NRG1: variants seen among roughly 807,000 people sequenced by gnomAD.
NRG1 encodes neuregulin 1, also known as pro-neuregulin-1, membrane-bound isoform.
NRG1 carries 18 observed loss-of-function variants against 63.8 expected under a neutral mutation model. That is an observed-to-expected ratio of 0.28 (90% CI 0.19 to 0.42). The LOEUF is 0.42. Ranked by LOEUF, NRG1 falls within the 10% of genes least tolerant of loss-of-function variation. The pLI, the probability that NRG1 is intolerant of heterozygous loss-of-function variation, is 1.00. For synonymous variants in NRG1, 302 were observed against 301.3 expected (o/e 1.00, Z -0.02); for missense variants, 762 against 814.7 (o/e 0.94, Z 0.79).
chr8:31,854,671 T>G (rs1329219828), intron 1 of NRG1, among the ~76,000 whole-genome samples: 1 of 152,222 alleles, frequency 6.6e-6, no homozygotes, highest in African/African-American at 2.4e-5. Context: ...ATGTGTTTGC[T>G]CTTGCTTTTC....
intron 1 of NRG1, among the ~76,000 whole-genome samples, chr8:31,796,166 A>C (rs1228166842): frequency 2.0e-5 from 3 of 152,176 alleles, no homozygotes; most frequent in South Asian, 4.1e-4. Context: ...GGACATTCTC[A>C]TATGTTAAGA....
chr8:32,560,048 A>G (rs553468755), intron 1 of NRG1, among the ~76,000 whole-genome samples: 16 of 152,226 alleles, frequency 1.1e-4, no homozygotes, highest in Non-Finnish European at 1.8e-4. Context: ...TAAATGAAAT[A>G]GTATTTTCAA....
At chr8:31,699,480 T>C (rs1487648643) in intron 1 of NRG1, among the ~76,000 whole-genome samples, 2 of 152,172 alleles carry the variant, frequency 1.3e-5, no homozygotes, top group Non-Finnish European at 2.9e-5. Flanking sequence ...CCACCTCTGA[T>C]TTCTTCCCAA....
At chr8:32,723,262 G>A (rs917114450) in intron 5 of NRG1, among the ~76,000 whole-genome samples, 1 of 152,150 alleles carries the variant, frequency 6.6e-6, no homozygotes, top group African/African-American at 2.4e-5. Flanking sequence ...GCCAACTTCA[G>A]TGTTCATTTC....
intron 1 of NRG1, among the ~76,000 whole-genome samples, chr8:31,727,145 G>A (rs553605286): frequency 2.0e-5 from 3 of 152,210 alleles, no homozygotes; most frequent in East Asian, 3.9e-4. Flanking sequence ...AACATGAAGA[G>A]ATAAGTTCCC....
rs1044560175 is a variant in NRG1 at position 31,854,525 on chromosome 8, G to A, written c.37+215094G>A. ...CTTTTTTTCTTTATTAGTCTTGCTAGCGGTCTATCAATTTTGTTGATCCTT... is the reference window on the plus strand; with the variant it reads ...CTTTTTTTCTTTATTAGTCTTGCTAACGGTCTATCAATTTTGTTGATCCTT... On this transcript the variant is annotated intron_variant, in intron 1 of 10. Transcript: ENST00000519301. Among the ~76,000 whole-genome samples, 488 of 151,720 alleles carry A rather than the reference G, an allele frequency of 3.2e-3. 2 individuals are homozygous for A. The highest frequency in any genetic ancestry group is 0.011 in the African/African-American group (466 of 41,380).
At chr8:31,917,521 T>C (rs1017602074) in intron 1 of NRG1, among the ~76,000 whole-genome samples, 25 of 151,690 alleles carry the variant, frequency 1.6e-4, no homozygotes, top group Non-Finnish European at 2.9e-4. Context: ...GTTGTAGATA[T>C]GCGGCGTTAT....
chr8:32,597,814 GTCTGAC>G (rs1289475978), intron 2 of NRG1, among the ~76,000 whole-genome samples: 11 of 152,108 alleles, frequency 7.2e-5, no homozygotes, highest in Admixed American at 1.3e-4. Flanking sequence ...TTTGAAATAG[GTCTGAC>G]TCTAAGTCTC....
intron 1 of NRG1, among the ~76,000 whole-genome samples, chr8:31,664,450 T>G (rs1239214156): frequency 6.6e-6 from 1 of 152,192 alleles, no homozygotes; most frequent in Admixed American, 6.5e-5. Flanking sequence ...GTCTGAGAAC[T>G]TATTCAGAGC....
intron 1 of NRG1, among the ~76,000 whole-genome samples, chr8:31,836,152 G>C (rs1825671544): frequency 1.3e-5 from 2 of 152,096 alleles, no homozygotes; most frequent in African/African-American, 4.8e-5. Flanking sequence ...CTAGGATCCT[G>C]GTCTCTTGAC....
At chr8:32,619,631 C>A (rs146643180) in intron 5 of NRG1, among the ~76,000 whole-genome samples, 1 of 152,264 alleles carries the variant, frequency 6.6e-6, no homozygotes, top group Non-Finnish European at 1.5e-5. Flanking sequence ...GCAAGATTCC[C>A]TAACCAATTC....
At chr8:31,863,009 T>A (rs1297355916) in intron 1 of NRG1, among the ~76,000 whole-genome samples, 1 of 152,152 alleles carries the variant, frequency 6.6e-6, no homozygotes, top group African/African-American at 2.4e-5. Flanking sequence ...TGCCATTAGC[T>A]CCAGCCATAT....
intron 1 of NRG1, among the ~76,000 whole-genome samples, chr8:32,589,908 T>A (rs1259585766): frequency 6.6e-6 from 1 of 152,186 alleles, no homozygotes; most frequent in Non-Finnish European, 1.5e-5. Flanking sequence ...ACATGTTGCA[T>A]TGAGTTTTTG....
At chr8:32,044,446 C>G (rs2130722483) in intron 1 of NRG1, among the ~76,000 whole-genome samples, 1 of 151,894 alleles carries the variant, frequency 6.6e-6, no homozygotes, top group Non-Finnish European at 1.5e-5. Flanking sequence ...AAAAAACCAA[C>G]TGACTGAATA....
In NRG1 at chr8:32,441,134, C is replaced by T. The variant is rs954139863; in HGVS notation, c.38-154694C>T. 24 of 152,056 alleles carry T rather than the reference C, an allele frequency of 1.6e-4. 1 individual carries two copies. Among genetic ancestry groups the T allele is most frequent in the Non-Finnish European group, 4.4e-5 (3 of 67,982 alleles). 9.4% of individuals were successfully genotyped at this position (152,056 alleles called of 1,614,324 possible). A position where few individuals can be genotyped will look rare whatever the true frequency, so the allele number is the denominator to read the frequency against. Reference sequence around the variant, plus strand: ...GTATTAAATATATAAAGAGAAAAGACCTTAGTGTTCTCATGCTCAGAGATT... The same window carrying T: ...GTATTAAATATATAAAGAGAAAAGATCTTAGTGTTCTCATGCTCAGAGATT... On this transcript the variant is annotated intron_variant, in intron 1 of 10. Transcript: ENST00000519301.
Position 32,353,305 on chromosome 8 carries a change from G to GA in NRG1, c.38-242518dup, listed in dbSNP as rs948658122. Among the ~76,000 whole-genome samples the GA allele has an allele frequency of 1.2e-3, 183 of 150,226 alleles. 1 individual carries two copies. The highest frequency in any genetic ancestry group is 4.4e-3 in the African/African-American group (180 of 41,188). On this transcript the variant is annotated intron_variant, in intron 1 of 10. Transcript: ENST00000519301. ...ATTTAAATAAAATAATAATAAATAAGAAAAATCACTGAATAAAGGTAATAA... is the reference window on the plus strand; with the variant it reads ...ATTTAAATAAAATAATAATAAATAAGAAAAAATCACTGAATAAAGGTAATAA...
chr8:32,300,453 TAG>T (rs1376816220), intron 1 of NRG1, among the ~76,000 whole-genome samples: 2 of 152,172 alleles, frequency 1.3e-5, no homozygotes, highest in East Asian at 3.9e-4. Flanking sequence ...ACCAGAATCT[TAG>T]AGTTGTTTAT....
intron 1 of NRG1, among the ~76,000 whole-genome samples, chr8:32,137,486 TTA>T (rs1835696759): frequency 6.6e-6 from 1 of 151,892 alleles, no homozygotes; most frequent in Non-Finnish European, 1.5e-5. Context: ...TCTGGAGCAG[TTA>T]AGTATATATT....
At chr8:31,734,656 C>T (rs1021456521) in intron 1 of NRG1, among the ~76,000 whole-genome samples, 9 of 152,108 alleles carry the variant, frequency 5.9e-5, no homozygotes, top group African/African-American at 7.2e-5. Context: ...ATAAGGATTA[C>T]GTATTAAACA....
Sources: gnomAD v4.1 joint callset for allele counts (sites outside exome capture counted in the v4.1 genomes callset) on GRCh38, gnomAD v4.1.1 for gene constraint, MANE v1.5 for transcripts, NCBI Gene and HGNC (gene_info 2026-07-23, HGNC 2026-07-21) for gene names.